The following CSGALNACT1 variants were observed in gnomAD, a reference collection of about 807,000 sequenced individuals.
The protein encoded by CSGALNACT1 is chondroitin sulfate N-acetylgalactosaminyltransferase 1.
CSGALNACT1 carries 52 observed loss-of-function variants against 51.0 expected under a neutral mutation model. That is an observed-to-expected ratio of 1.02 (90% CI 0.82 to 1.29). The LOEUF (loss-of-function observed/expected upper bound fraction) is 1.29, where lower values mean the gene tolerates loss of function less well. Among genes scored for constraint, CSGALNACT1 ranks in the 50% most tolerant of loss-of-function variants. CSGALNACT1 has a pLI of 0.00. For missense variants in CSGALNACT1, 935 were observed against 679.2 expected, an observed-to-expected ratio of 1.38 and a Z score of -4.19; for synonymous variants, 341 against 254.4, an observed-to-expected ratio of 1.34 and a Z score of -3.24.
chr8:19,749,768 T>C (rs749872278), intron 1 of CSGALNACT1, among the ~76,000 whole-genome samples: 3 of 152,168 alleles, frequency 2.0e-5, no homozygotes, highest in Non-Finnish European at 4.4e-5. Flanking sequence ...AGAGGCTCAT[T>C]TCTCCTGTGA....
intron 3 of CSGALNACT1, among the ~76,000 whole-genome samples, chr8:19,518,311 T>G (rs151330370): frequency 6.6e-6 from 1 of 152,264 alleles, no homozygotes; most frequent in Non-Finnish European, 1.5e-5. Context: ...GCATGGATGA[T>G]TAACAGCAGG....
intron 4 of CSGALNACT1, among the ~76,000 whole-genome samples, chr8:19,492,687 A>ATG (rs2074612782): frequency 2.0e-5 from 3 of 152,176 alleles, no homozygotes; most frequent in Non-Finnish European, 2.9e-5. Flanking sequence ...TTGCTGGTCC[A>ATG]CGCCACTGGC....
intron 3 of CSGALNACT1, among the ~76,000 whole-genome samples, chr8:19,560,050 A>G (rs2040358372): frequency 6.6e-6 from 1 of 152,252 alleles, no homozygotes; most frequent in African/African-American, 2.4e-5. Context: ...AACGGCACTG[A>G]CTAGAACACT....
chr8:19,476,282 T>C (rs1021842653), intron 4 of CSGALNACT1, among the ~76,000 whole-genome samples: 3 of 152,168 alleles, frequency 2.0e-5, no homozygotes, highest in Non-Finnish European at 1.5e-5. Flanking sequence ...TCTTGTTGCC[T>C]AGGTAGAGTT....
intron 2 of CSGALNACT1, among the ~76,000 whole-genome samples, chr8:19,596,162 C>G (rs575672786): frequency 6.6e-6 from 1 of 152,230 alleles, no homozygotes; most frequent in African/African-American, 2.4e-5. Context: ...GCCACCGTGC[C>G]CAGCCTCATT....
In CSGALNACT1 at chr8:19,681,753, C is replaced by G. The variant is rs139853542; in HGVS notation, c.-544+720G>C. On this transcript the variant is annotated intron_variant, in intron 1 of 9. Coordinates refer to the CSGALNACT1 transcript ENST00000332246. Reference sequence around the variant, plus strand: ...ATCTCTGTCCCCTGCCCTGGGAATGCCAGGCTGGGCCAGAGTCTGGGCCCG... The same window carrying G: ...ATCTCTGTCCCCTGCCCTGGGAATGGCAGGCTGGGCCAGAGTCTGGGCCCG... Among the ~76,000 whole-genome samples, 923 of 152,284 alleles carry G rather than the reference C, an allele frequency of 6.1e-3. 7 individuals carry two copies. Among genetic ancestry groups the G allele is most frequent in the African/African-American group, 0.02 (837 of 41,556 alleles).
At chr8:19,422,619 G>T (rs1272169972) in intron 6 of CSGALNACT1, among the ~76,000 whole-genome samples, 1 of 152,202 alleles carries the variant, frequency 6.6e-6, no homozygotes, top group Non-Finnish European at 1.5e-5. Context: ...TCTGTGTGTT[G>T]CATTGAAGTT....
intron 3 of CSGALNACT1, among the ~76,000 whole-genome samples, chr8:19,547,363 C>T (rs1005093288): frequency 1.1e-4 from 17 of 152,304 alleles, no homozygotes; most frequent in African/African-American, 4.1e-4. Flanking sequence ...TGTCCTCACT[C>T]AATTCTCATC....
chr8:19,682,936 A>T, upstream of CSGALNACT1: 1 of 323,088 alleles, frequency 3.1e-6, no homozygotes, highest in South Asian at 2.5e-5. Flanking sequence ...ACCTGTACTT[A>T]TCCATCGCTA....
chr8:19,466,811 C>A (rs1303470615), intron 4 of CSGALNACT1, among the ~76,000 whole-genome samples: 3 of 152,168 alleles, frequency 2.0e-5, no homozygotes, highest in African/African-American at 7.2e-5. Flanking sequence ...CCTACTTTCC[C>A]GTGCATCACA....
chr8:19,454,473 C>T (rs533459838), intron 5 of CSGALNACT1, among the ~76,000 whole-genome samples: 130 of 152,310 alleles, frequency 8.5e-4, no homozygotes, highest in Non-Finnish European at 1.3e-3. Context: ...GAGTTTGAGA[C>T]CAGCCTGACC....
chr8:19,458,325 C>T (rs2064571127), intron 5 of CSGALNACT1, 101 bp downstream of exon 4: 2 of 996,622 alleles, frequency 2.0e-6, no homozygotes, highest in East Asian at 4.8e-5. Context: ...AGAAAGGAGG[C>T]TTTGTACTCG....
intron 3 of CSGALNACT1, among the ~76,000 whole-genome samples, chr8:19,524,595 G>C (rs1417011556): frequency 6.6e-6 from 1 of 150,832 alleles, no homozygotes; most frequent in Admixed American, 6.6e-5. Flanking sequence ...TTTTTTTCTT[G>C]ACTCTAAGTT....
intron 1 of CSGALNACT1, among the ~76,000 whole-genome samples, chr8:19,740,137 C>T (rs1437120505): frequency 6.6e-6 from 1 of 152,322 alleles, no homozygotes; most frequent in East Asian, 1.9e-4. Flanking sequence ...GCTGCCTGTG[C>T]CTCCTGGGCA....
chr8:19,652,166 C>G (rs1377439185), intron 1 of CSGALNACT1, among the ~76,000 whole-genome samples: 1 of 151,952 alleles, frequency 6.6e-6, no homozygotes, highest in Non-Finnish European at 1.5e-5. Flanking sequence ...GCCCAGGCTG[C>G]TCTTAAACTT....
intron 3 of CSGALNACT1, among the ~76,000 whole-genome samples, chr8:19,510,590 C>G (rs1010620335): frequency 2.0e-5 from 3 of 152,148 alleles, no homozygotes; most frequent in African/African-American, 7.2e-5. Context: ...GAACTAACGT[C>G]CTTTCAAATA....
chr8:19,627,681 C>G (rs1387261536), intron 1 of CSGALNACT1, among the ~76,000 whole-genome samples: 1 of 151,978 alleles, frequency 6.6e-6, no homozygotes, highest in Non-Finnish European at 1.5e-5. Context: ...AAAAATTAGC[C>G]AGGTATGGTG....
chr8:19,493,046 A>C (rs1214617582), intron 4 of CSGALNACT1, among the ~76,000 whole-genome samples: 2 of 104,786 alleles, frequency 1.9e-5, no homozygotes, highest in East Asian at 6.0e-4. Flanking sequence ...GCTGCCTAAA[A>C]TTCTTTTTTT....
intron 4 of CSGALNACT1, 47 bp from the exon 4 acceptor site, chr8:19,458,689 G>A: frequency 6.5e-7 from 1 of 1,529,336 alleles, no homozygotes; most frequent in Non-Finnish European, 8.9e-7. Context: ...ATTAACCTTG[G>A]CTGCTGAGTG....
Sources: gnomAD v4.1 joint callset for allele counts (sites outside exome capture counted in the v4.1 genomes callset) on GRCh38, gnomAD v4.1.1 for gene constraint, MANE v1.5 for transcripts, NCBI Gene and HGNC (gene_info 2026-07-23, HGNC 2026-07-21) for gene names.